CDH12: variants seen among roughly 807,000 people sequenced by gnomAD.
CDH12 encodes cadherin 12, also known as cadherin-12.
A neutral mutation model predicts 74.1 loss-of-function variants in CDH12; 41 were observed. The observed-to-expected ratio is 0.55, with a 90% CI of 0.43 to 0.72. The LOEUF is 0.72. Among genes scored for constraint, CDH12 ranks in the 30% least tolerant of loss-of-function variants. The pLI is 0.00. For synonymous variants in CDH12, 399 were observed against 355.0 expected, an observed-to-expected ratio of 1.12 and a Z score of -1.39; for missense variants, 945 against 977.2, an observed-to-expected ratio of 0.97 and a Z score of 0.44.
chr5:21,897,532 A>G (rs1331755354), intron 6 of CDH12, among the ~76,000 whole-genome samples: 1 of 152,160 alleles, frequency 6.6e-6, no homozygotes, highest in Non-Finnish European at 1.5e-5. Flanking sequence ...AGAGTTTCTG[A>G]GTTACTCAAA....
chr5:22,238,960 G>A (rs1027521024), intron 3 of CDH12, among the ~76,000 whole-genome samples: 11 of 152,208 alleles, frequency 7.2e-5, no homozygotes, highest in Admixed American at 2.6e-4. Flanking sequence ...AGACGTTAGG[G>A]AAAGAAACAC....
chr5:22,479,266 T>G (rs1336372459), intron 2 of CDH12, among the ~76,000 whole-genome samples: 1 of 152,236 alleles, frequency 6.6e-6, no homozygotes, highest in Non-Finnish European at 1.5e-5. Context: ...CATTCTTAAT[T>G]TTGGTAACAG....
At chr5:22,366,325 A>G (rs1741029688) in intron 3 of CDH12, among the ~76,000 whole-genome samples, 1 of 152,046 alleles carries the variant, frequency 6.6e-6, no homozygotes, top group African/African-American at 2.4e-5. Flanking sequence ...AGTTCCCCAA[A>G]TAAATCCCCT....
intron 1 of CDH12, among the ~76,000 whole-genome samples, chr5:22,670,723 T>G (rs1740858797): frequency 6.6e-6 from 1 of 152,054 alleles, no homozygotes; most frequent in Admixed American, 6.6e-5. Flanking sequence ...AAGGTTTTTA[T>G]ATATTTTAAA....
chr5:21,788,850 T>A, intron 10 of CDH12, among the ~76,000 whole-genome samples: 1 of 152,148 alleles, frequency 6.6e-6, no homozygotes, highest in African/African-American at 2.4e-5. Flanking sequence ...TTCCTTTTGA[T>A]TAGGTTGTTT....
chr5:22,198,237 C>T (rs1156881811), intron 4 of CDH12, among the ~76,000 whole-genome samples: 1 of 151,910 alleles, frequency 6.6e-6, no homozygotes, highest in East Asian at 1.9e-4. Flanking sequence ...CTGTCAGTCA[C>T]CCCAAAAACG....
At chr5:22,177,723 A>G (rs1214165904) in intron 4 of CDH12, among the ~76,000 whole-genome samples, 1 of 152,048 alleles carries the variant, frequency 6.6e-6, no homozygotes, top group African/African-American at 2.4e-5. Context: ...CCACCCACCT[A>G]TCACACCATC....
At chr5:22,754,889 C>T (rs987659842) in intron 1 of CDH12, among the ~76,000 whole-genome samples, 1 of 152,030 alleles carries the variant, frequency 6.6e-6, no homozygotes, top group Non-Finnish European at 1.5e-5. Flanking sequence ...CTTATTGAGA[C>T]TGTCTATTAG....
At chr5:22,056,044 A>G (rs895059816) in intron 5 of CDH12, among the ~76,000 whole-genome samples, 1 of 152,096 alleles carries the variant, frequency 6.6e-6, no homozygotes, top group African/African-American at 2.4e-5. Flanking sequence ...AAAGTTTACT[A>G]TATATTTGCA....
chr5:22,710,930 T>C (rs1743255385), intron 1 of CDH12, among the ~76,000 whole-genome samples: 1 of 152,146 alleles, frequency 6.6e-6, no homozygotes, highest in African/African-American at 2.4e-5. Flanking sequence ...ATTATTTGTA[T>C]ATGTCATTTG....
chr5:22,351,843 A>T (rs1041122392), intron 3 of CDH12, among the ~76,000 whole-genome samples: 7 of 152,216 alleles, frequency 4.6e-5, no homozygotes, highest in Non-Finnish European at 8.8e-5. Flanking sequence ...AAGGTGGTAA[A>T]CTATTTTCAC....
chr5:22,752,462 A>G (rs888236715), intron 1 of CDH12, among the ~76,000 whole-genome samples: 2 of 144,924 alleles, frequency 1.4e-5, no homozygotes, highest in Non-Finnish European at 3.0e-5. Context: ...AACTTTCCAC[A>G]TGTTTTCATT....
chr5:21,779,807 C>T (rs140198953), intron 11 of CDH12, among the ~76,000 whole-genome samples: 295 of 152,260 alleles, frequency 1.9e-3, no homozygotes, highest in African/African-American at 6.9e-3. Flanking sequence ...CTAGTGTGAT[C>T]AAGGAAGACA....
At position 21,882,625 on chromosome 5, in the gene CDH12, A is replaced by G. The variant is rs111553190; in HGVS notation, c.527-27835T>C. 3.3e-3 allele frequency: 5,257 copies of G among 1,605,796 alleles called. 159 individuals carry two copies. The African/African-American group carries it at 0.062, about 19-fold the overall frequency. Reference sequence around the variant, plus strand: ...CCACAGTCTTTCGCCAGATGAGACCAGTGTCCAGGGTACTGGCTCCTCATC... The same window carrying G: ...CCACAGTCTTTCGCCAGATGAGACCGGTGTCCAGGGTACTGGCTCCTCATC... On this transcript the variant is annotated intron_variant, in intron 6 of 14. Coordinates refer to ENST00000382254, the MANE Select transcript of CDH12 (RefSeq NM_004061.5).
At chr5:22,660,609 A>C (rs1439988630) in intron 1 of CDH12, among the ~76,000 whole-genome samples, 1 of 152,116 alleles carries the variant, frequency 6.6e-6, no homozygotes, top group African/African-American at 2.4e-5. Flanking sequence ...GTAAAGATGA[A>C]GTCTCACCAT....
intron 6 of CDH12, among the ~76,000 whole-genome samples, chr5:21,953,227 A>G (rs1755944271): frequency 6.6e-6 from 1 of 152,120 alleles, no homozygotes; most frequent in Non-Finnish European, 1.5e-5. Flanking sequence ...ATCGATTTCA[A>G]GACTTTAGAC....
At chr5:22,605,817 C>T (rs1264163865) in intron 1 of CDH12, among the ~76,000 whole-genome samples, 1 of 152,208 alleles carries the variant, frequency 6.6e-6, no homozygotes, top group African/African-American at 2.4e-5. Context: ...TTCCATCTTG[C>T]TCTTGGGCAT....
intron 4 of CDH12, among the ~76,000 whole-genome samples, chr5:22,153,917 C>CAT (rs1747819331): frequency 4.4e-5 from 6 of 137,126 alleles, no homozygotes; most frequent in Admixed American, 3.0e-4. Context: ...CACACATACA[C>CAT]ACACACACAC....
At chr5:22,300,588 C>T (rs534280591) in intron 3 of CDH12, among the ~76,000 whole-genome samples, 107 of 152,268 alleles carry the variant, frequency 7.0e-4, no homozygotes, top group African/African-American at 2.5e-3. Flanking sequence ...ATTTTGAAGC[C>T]GTACATTTTT....
Sources: gnomAD v4.1 joint callset for allele counts (sites outside exome capture counted in the v4.1 genomes callset) on GRCh38, gnomAD v4.1.1 for gene constraint, MANE v1.5 for transcripts, NCBI Gene and HGNC (gene_info 2026-07-23, HGNC 2026-07-21) for gene names.